CECR2: variants seen among roughly 807,000 people sequenced by gnomAD.
CECR2 encodes the protein chromatin remodeling regulator CECR2.
In CECR2, 30 loss-of-function variants were observed where a neutral mutation model predicts 154.5. The ratio of observed to expected loss-of-function variants is 0.19; its 90% CI spans 0.15 to 0.26. The LOEUF (loss-of-function observed/expected upper bound fraction) is 0.26. Ranked by LOEUF, CECR2 falls within the 10% of genes least tolerant of loss-of-function variation. CECR2 has a pLI of 1.00. For missense variants in CECR2, 1,743 were observed against 1,829.3 expected (o/e 0.95, Z 0.86); for synonymous variants, 725 against 683.7 (o/e 1.06, Z -0.94).
At position 17,413,333 on chromosome 22, in the gene CECR2, G is replaced by A. The variant is rs55919916; in HGVS notation, c.126+43424G>A. Reference sequence around the variant, plus strand: ...CTTTGCAGGATTTCTTCGTTTCCAAGCAAATACCCTGTAAGATCTGCAGTC... The same window carrying A: ...CTTTGCAGGATTTCTTCGTTTCCAAACAAATACCCTGTAAGATCTGCAGTC... On this transcript the variant is annotated intron_variant, in intron 1 of 18. Coordinates refer to ENST00000262608, the MANE Select transcript of CECR2 (RefSeq NM_001290047.2). Among the ~76,000 whole-genome samples, 1,342 of 152,292 alleles carry A rather than the reference G, an allele frequency of 8.8e-3. 9 individuals are homozygous for A. The highest frequency in any genetic ancestry group is 0.027 in the Middle Eastern group (8 of 294).
upstream of CECR2, among the ~76,000 whole-genome samples, chr22:17,367,904 C>G (rs1281955041): frequency 6.6e-6 from 1 of 152,140 alleles, no homozygotes; most frequent in Non-Finnish European, 1.5e-5. Context: ...CACATGTGAG[C>G]TCATTTTTGC....
intron 8 of CECR2, among the ~76,000 whole-genome samples, chr22:17,523,551 T>C (rs1347099084): frequency 6.6e-6 from 1 of 151,706 alleles, no homozygotes; most frequent in Non-Finnish European, 1.5e-5. Context: ...GGTCAGGAGA[T>C]CAAGACCATC....
intron 9 of CECR2, among the ~76,000 whole-genome samples, chr22:17,528,164 G>A (rs940491350): frequency 3.3e-5 from 5 of 151,796 alleles, no homozygotes; most frequent in South Asian, 2.1e-4. Flanking sequence ...CTAAGTGTCC[G>A]TCAGCAAATG....
chr22:17,548,455 A>G lies in CECR2; in HGVS notation c.3168A>G (p.Gly1056=). 1 of 1,613,900 alleles carries G rather than the reference A, an allele frequency of 6.2e-7. No homozygotes were observed. The highest frequency in any genetic ancestry group is 1.1e-5 in the South Asian group (1 of 91,072). ...ACAGGGGCGCTCTATCCGAGAACGGAGTCATTGGGGAAGCATCTCCTTGTG... is the reference window on the plus strand; with the variant it reads ...ACAGGGGCGCTCTATCCGAGAACGGGGTCATTGGGGAAGCATCTCCTTGTG... ...VADRGALSEN[G]VIGEASPCGS... is the part of the protein sequence containing the mutation. Residue 1056 remains glycine (G), a synonymous_variant, in exon 17 of 19, where the codon GGA becomes GGG. Coordinates refer to ENST00000262608, the MANE Select transcript of CECR2 (RefSeq NM_001290047.2).
intron 7 of CECR2, among the ~76,000 whole-genome samples, chr22:17,505,279 C>T (rs1166919296): frequency 6.6e-6 from 1 of 151,886 alleles, no homozygotes; most frequent in Non-Finnish European, 1.5e-5. Context: ...CAGCCTGGAA[C>T]CAACTTTCCT....
intron 1 of CECR2, among the ~76,000 whole-genome samples, chr22:17,443,739 T>C (rs1457604141): frequency 2.0e-5 from 3 of 152,158 alleles, no homozygotes; most frequent in Admixed American, 2.0e-4. Flanking sequence ...ATCTGCTTCC[T>C]GGTTTAGCCT....
intron 1 of CECR2, among the ~76,000 whole-genome samples, chr22:17,464,791 G>A (rs960712337): frequency 1.3e-5 from 2 of 152,146 alleles, no homozygotes; most frequent in Non-Finnish European, 2.9e-5. Context: ...ATGAGCCATT[G>A]TGCCCAGTCC....
intron 1 of CECR2, among the ~76,000 whole-genome samples, chr22:17,370,833 G>T (rs1429045920): frequency 2.6e-5 from 4 of 152,318 alleles, no homozygotes; most frequent in Non-Finnish European, 5.9e-5. Context: ...TTTTTGGAAG[G>T]AGCTGAGAAT....
intron 1 of CECR2, among the ~76,000 whole-genome samples, chr22:17,371,796 C>T (rs570542530): frequency 6.6e-6 from 1 of 152,314 alleles, no homozygotes; most frequent in East Asian, 1.9e-4. Flanking sequence ...AACTTTATGT[C>T]TCAAAATCCA....
chr22:17,386,859 C>CCTGA (rs2063268898), intron 1 of CECR2, among the ~76,000 whole-genome samples: 1 of 152,110 alleles, frequency 6.6e-6, no homozygotes, highest in Non-Finnish European at 1.5e-5. Context: ...TCATATTGGT[C>CCTGA]AGGCTGGTCT....
chr22:17,393,326 C>A (rs1332282567), intron 1 of CECR2, among the ~76,000 whole-genome samples: 2 of 152,070 alleles, frequency 1.3e-5, no homozygotes, highest in African/African-American at 2.4e-5. Flanking sequence ...TAGGTTTCAT[C>A]CAAGTTGTAG....
At position 17,548,128 on chromosome 22, in the gene CECR2, C is replaced by CTTTT; in HGVS notation, c.2861-8_2861-5dup. ...CAGCTACTGAGTTATTTTTTCTCCT[C>CTTTT]TTTTTTTTTTTTTTTGCAGCAGAGC... On this transcript the variant is annotated intron_variant, in intron 16 of 18. Coordinates refer to ENST00000262608, the MANE Select transcript of CECR2 (RefSeq NM_001290047.2). 35 of 1,377,986 alleles carry CTTTT rather than the reference C, an allele frequency of 2.5e-5. No homozygotes were observed. Among genetic ancestry groups the CTTTT allele is most frequent in the South Asian group, 7.2e-5 (5 of 68,986 alleles). The allele number at this position is 1,377,986 out of a possible 1,614,324, so 85.4% of individuals were successfully genotyped here.
At chr22:17,399,207 G>A (rs1398018170) in intron 1 of CECR2, among the ~76,000 whole-genome samples, 1 of 152,154 alleles carries the variant, frequency 6.6e-6, no homozygotes, top group Admixed American at 6.5e-5. Context: ...GACGCCAGAT[G>A]CCCATCCTGG....
intron 5 of CECR2, among the ~76,000 whole-genome samples, chr22:17,501,860 G>A (rs1401354872): frequency 1.3e-5 from 2 of 152,104 alleles, no homozygotes; most frequent in Non-Finnish European, 2.9e-5. Flanking sequence ...AGCATCCATG[G>A]ACTTGTGCTA....
chr22:17,401,360 TGACATATATATA>T (rs1304131672), intron 1 of CECR2, among the ~76,000 whole-genome samples: 1 of 152,208 alleles, frequency 6.6e-6, no homozygotes, highest in African/African-American at 2.4e-5. Flanking sequence ...TGGCAAGTTT[TGACATATATATA>T]CACACTAGTG....
intron 2 of CECR2, among the ~76,000 whole-genome samples, chr22:17,492,851 T>C (rs5746419): frequency 0.15 from 22,752 of 152,200 alleles, 2,090 homozygotes; most frequent in East Asian, 0.44. Flanking sequence ...GATGAATGGA[T>C]GAGTAAGTGA....
chr22:17,449,492 T>TC (rs1460976873), intron 1 of CECR2, among the ~76,000 whole-genome samples: 2 of 136,798 alleles, frequency 1.5e-5, no homozygotes, highest in Non-Finnish European at 3.1e-5. Context: ...TCTTTTTTTT[T>TC]TTTTTTTTTT....
In CECR2 at chr22:17,552,931, C is replaced by A. The variant is rs1366863191; in HGVS notation, c.*91C>A. 1.3e-6 allele frequency: 2 copies of A among 1,524,404 alleles called. No homozygotes were observed. Among genetic ancestry groups the A allele is most frequent in the Non-Finnish European group, 1.8e-6 (2 of 1,138,722 alleles). 94.4% of individuals were successfully genotyped at this position (1,524,404 alleles called of 1,614,324 possible). A position where few individuals can be genotyped will look rare whatever the true frequency, so the allele number is the denominator to read the frequency against. On this transcript the variant is annotated 3_prime_UTR_variant, in exon 19 of 19. Coordinates refer to ENST00000262608, the MANE Select transcript of CECR2 (RefSeq NM_001290047.2). ...GGGAGTGCCCTGTCAGCTCTATTCCCATCACCTGCTCCACCCCTTCACGGC... is the reference window on the plus strand; with the variant it reads ...GGGAGTGCCCTGTCAGCTCTATTCCAATCACCTGCTCCACCCCTTCACGGC...
intron 1 of CECR2, among the ~76,000 whole-genome samples, chr22:17,392,797 T>C (rs2063339568): frequency 6.6e-6 from 1 of 152,154 alleles, no homozygotes; most frequent in Non-Finnish European, 1.5e-5. Flanking sequence ...GTCCCAGCAC[T>C]TTGGGAGGCC....
Sources: gnomAD v4.1 joint callset for allele counts (sites outside exome capture counted in the v4.1 genomes callset) on GRCh38, gnomAD v4.1.1 for gene constraint, MANE v1.5 for transcripts, NCBI Gene and HGNC (gene_info 2026-07-23, HGNC 2026-07-21) for gene names.